ITGBL1: variants seen among roughly 807,000 people sequenced by gnomAD.
ITGBL1 encodes the protein integrin beta-like protein 1.
Under a neutral mutation model 68.5 loss-of-function variants are expected in ITGBL1, and 51 were observed. The ratio of observed to expected loss-of-function variants is 0.74; its 90% CI spans 0.59 to 0.94. The LOEUF (loss-of-function observed/expected upper bound fraction) is 0.94. ITGBL1 is among the 40% of genes least tolerant of loss of function. The probability of loss-of-function intolerance (pLI) is 0.00; values close to 1 mark genes in which losing one functional copy is unlikely to be tolerated. For synonymous variants in ITGBL1, 209 were observed against 227.3 expected, an observed-to-expected ratio of 0.92 and a Z score of 0.72; for missense variants, 649 against 647.4, an observed-to-expected ratio of 1.00 and a Z score of -0.03.
rs369575624 is a variant in ITGBL1 at position 101,490,496 on chromosome 13, T to G, written c.316+36396T>G. On this transcript the variant is annotated intron_variant, in intron 2 of 10. Transcript: ENST00000376180. ...CTGAAGCCAGTGAAGACAAGACTAA[T>G]TAAAATAATACTACTAACAGGGCTG... Among the ~76,000 whole-genome samples the G allele has an allele frequency of 5.4e-4, 83 of 152,332 alleles. 1 individual carries two copies. The South Asian group carries it at 0.017, about 31-fold the overall frequency.
downstream of ITGBL1, chr13:101,720,823 T>A (rs1219339914): frequency 6.6e-6 from 1 of 152,152 alleles, no homozygotes; most frequent in Non-Finnish European, 1.5e-5. Flanking sequence ...GATTTGTAAT[T>A]TAGCATCATT....
chr13:101,718,717 A>G (rs2034813778), downstream of ITGBL1: 1 of 151,798 alleles, frequency 6.6e-6, no homozygotes, highest in Non-Finnish European at 1.5e-5. Context: ...ACCGCCCTCC[A>G]CTACCTCAAA....
Position 101,715,741 on chromosome 13 carries a change from A to G in ITGBL1, c.*87A>G. On this transcript the variant is annotated 3_prime_UTR_variant, in exon 11 of 11. Coordinates refer to ENST00000376180, the MANE Select transcript of ITGBL1 (RefSeq NM_004791.3). ...AAGGAAACCATGTATATTCACCACT[A>G]GGACAGGTTAAAAAGACCATTGTAT... The G allele has an allele frequency of 1.3e-6, 1 of 794,054 alleles. No individual in the cohort carries two copies. The highest frequency in any genetic ancestry group is 1.6e-5 in the South Asian group (1 of 63,554). 49.2% of individuals were successfully genotyped at this position (794,054 alleles called of 1,614,324 possible).
chr13:101,716,225 T>G lies in ITGBL1; in HGVS notation c.*571T>G, dbSNP rs1216728026. 1 of 152,192 alleles carries G rather than the reference T, an allele frequency of 6.6e-6. No individual in the cohort carries two copies. The highest frequency in any genetic ancestry group is 6.5e-5 in the Admixed American group (1 of 15,278). 9.4% of individuals were successfully genotyped at this position (152,192 alleles called of 1,614,324 possible). A position where few individuals can be genotyped will look rare whatever the true frequency, so the allele number is the denominator to read the frequency against. On this transcript the variant is annotated 3_prime_UTR_variant, in exon 11 of 11. Coordinates refer to ENST00000376180, the MANE Select transcript of ITGBL1 (RefSeq NM_004791.3). ...CAGAATTCCGTATCAGTCACCATTT[T>G]AATATGGGGACAATGAAGACAAGCA... is the stretch of plus-strand genomic sequence containing the variant.
intron 7 of ITGBL1, among the ~76,000 whole-genome samples, chr13:101,655,985 G>A (rs1594958668): frequency 6.6e-6 from 1 of 152,080 alleles, no homozygotes; most frequent in Admixed American, 6.5e-5. Context: ...GATGGCGTGA[G>A]ACATCAATCA....
chr13:101,538,241 C>A (rs1272693663), intron 2 of ITGBL1, among the ~76,000 whole-genome samples: 1 of 151,742 alleles, frequency 6.6e-6, no homozygotes, highest in Non-Finnish European at 1.5e-5. Context: ...GTGGTGTGCC[C>A]ATAAGCAAAT....
chr13:101,547,204 CTTGT>C (rs760531705), intron 2 of ITGBL1, among the ~76,000 whole-genome samples: 6 of 151,444 alleles, frequency 4.0e-5, no homozygotes, highest in African/African-American at 1.4e-4. Flanking sequence ...CTAATTTTTT[CTTGT>C]TTGTTTTGTG....
intron 7 of ITGBL1, among the ~76,000 whole-genome samples, chr13:101,682,818 G>A (rs550965477): frequency 2.0e-5 from 3 of 151,730 alleles, no homozygotes; most frequent in African/African-American, 7.2e-5. Context: ...ATATTTTATG[G>A]TCAAATTTAT....
chr13:101,683,309 T>C (rs1370359388), intron 7 of ITGBL1, among the ~76,000 whole-genome samples: 1 of 152,062 alleles, frequency 6.6e-6, no homozygotes, highest in Non-Finnish European at 1.5e-5. Context: ...TAGACGTGAC[T>C]TTTTTGGAAT....
At position 101,564,690 on chromosome 13, in the gene ITGBL1, A is replaced by G. The variant is rs377387665; in HGVS notation, c.317-3009A>G. Reference sequence around the variant, plus strand: ...TTGTATCCAGGATAAACATACATATACATGTATGTATAAATTTTAAAACAT... The same window carrying G: ...TTGTATCCAGGATAAACATACATATGCATGTATGTATAAATTTTAAAACAT... On this transcript the variant is annotated intron_variant, in intron 2 of 10. Coordinates refer to ENST00000376180, the MANE Select transcript of ITGBL1 (RefSeq NM_004791.3). Among the ~76,000 whole-genome samples the G allele has an allele frequency of 3.0e-4, 45 of 149,882 alleles. No individual in the cohort carries two copies. The East Asian group carries it at 4.7e-3, about 16-fold the overall frequency.
chr13:101,515,722 G>T (rs1167989024), intron 2 of ITGBL1, among the ~76,000 whole-genome samples: 1 of 151,994 alleles, frequency 6.6e-6, no homozygotes, highest in African/African-American at 2.4e-5. Context: ...ATTGACAGCG[G>T]AACAGACTTT....
intron 5 of ITGBL1, among the ~76,000 whole-genome samples, chr13:101,582,883 G>A (rs192335867): frequency 1.2e-3 from 189 of 152,034 alleles, no homozygotes; most frequent in African/African-American, 4.3e-3. Context: ...TTTCTAATTA[G>A]CTTTCTATTT....
intron 2 of ITGBL1, among the ~76,000 whole-genome samples, chr13:101,548,388 T>C (rs2139205702): frequency 6.6e-6 from 1 of 151,976 alleles, no homozygotes; most frequent in Non-Finnish European, 1.5e-5. Context: ...GAGAGATCGA[T>C]CTACTTTAAA....
chr13:101,672,215 T>C (rs1213781233), intron 7 of ITGBL1, among the ~76,000 whole-genome samples: 1 of 152,226 alleles, frequency 6.6e-6, no homozygotes, highest in African/African-American at 2.4e-5. Context: ...ATATACTTGT[T>C]AGATGTTGGC....
At chr13:101,609,366 G>T (rs1236883486) in intron 7 of ITGBL1, among the ~76,000 whole-genome samples, 1 of 152,056 alleles carries the variant, frequency 6.6e-6, no homozygotes, top group Non-Finnish European at 1.5e-5. Context: ...TTCTCATAGA[G>T]ATAGCCAAAG....
chr13:101,680,462 T>C (rs1487868475), intron 7 of ITGBL1, among the ~76,000 whole-genome samples: 1 of 151,564 alleles, frequency 6.6e-6, no homozygotes, highest in Non-Finnish European at 1.5e-5. Context: ...TGCCTACTGT[T>C]ACCACACCAG....
intron 6 of ITGBL1, among the ~76,000 whole-genome samples, chr13:101,592,989 A>T (rs1219851684): frequency 6.6e-6 from 1 of 152,144 alleles, no homozygotes; most frequent in Non-Finnish European, 1.5e-5. Flanking sequence ...GACCTACATA[A>T]TGGGAGAAAA....
chr13:101,584,859 T>G (rs1249121628), intron 6 of ITGBL1, among the ~76,000 whole-genome samples: 1 of 151,512 alleles, frequency 6.6e-6, no homozygotes, highest in Non-Finnish European at 1.5e-5. Flanking sequence ...CTCTTCACAG[T>G]GGTGGTGATG....
At chr13:101,475,027 G>A (rs1005432489) in intron 2 of ITGBL1, among the ~76,000 whole-genome samples, 1 of 152,150 alleles carries the variant, frequency 6.6e-6, no homozygotes, top group Non-Finnish European at 1.5e-5. Context: ...TTAATGCTTA[G>A]ACATCAGTGA....
Sources: allele counts gnomAD v4.1 joint callset (sites outside exome capture counted in the v4.1 genomes callset), GRCh38; gene constraint gnomAD v4.1.1; transcripts MANE v1.5; gene names NCBI Gene and HGNC (gene_info 2026-07-23, HGNC 2026-07-21).